Variants in RELN observed in about 807,000 individuals in gnomAD.
RELN encodes reelin.
In RELN, 108 loss-of-function variants were observed where a neutral mutation model predicts 427.6. That is an observed-to-expected ratio of 0.25 (90% CI 0.22 to 0.30). RELN has a LOEUF of 0.30. RELN is among the 10% of genes least tolerant of loss of function. The probability of loss-of-function intolerance (pLI) is 1.00; values close to 1 mark genes in which losing one functional copy is unlikely to be tolerated. For missense variants in RELN, 3,715 were observed against 4,302.8 expected, an observed-to-expected ratio of 0.86 and a Z score of 3.82; for synonymous variants, 1,524 against 1,513.4, an observed-to-expected ratio of 1.01 and a Z score of -0.16.
At chr7:103,591,772 T>C (rs1034359939) in intron 27 of RELN, among the ~76,000 whole-genome samples, 6 of 152,150 alleles carry the variant, frequency 3.9e-5, no homozygotes, top group African/African-American at 1.4e-4. Flanking sequence ...GTTCGTGCTT[T>C]AGAAATCAGA....
At chr7:103,935,769 G>C (rs1795967770) in intron 1 of RELN, among the ~76,000 whole-genome samples, 1 of 152,128 alleles carries the variant, frequency 6.6e-6, no homozygotes, top group Non-Finnish European at 1.5e-5. Context: ...CTGTGTGTCA[G>C]GAACTGTTCT....
rs992426431 is a variant in RELN, at chr7:103,701,088, A to G, written c.806-82T>C. On this transcript the variant is annotated intron_variant, in intron 8 of 64. Coordinates refer to ENST00000428762, the MANE Select transcript of RELN (RefSeq NM_005045.4). ...ATCTTTTCTGATAAATATTTTAGAT[A>G]ATTTTTAAACTATTAGATATTTGTC... 4.7e-6 allele frequency: 4 copies of G among 847,036 alleles called. No homozygotes were observed. In the African/African-American group the frequency reaches 5.1e-5, roughly 11 times the overall value. 52.5% of individuals were successfully genotyped at this position (847,036 alleles called of 1,614,324 possible).
chr7:103,589,328 T>C (rs1029005043), intron 28 of RELN, among the ~76,000 whole-genome samples: 3 of 152,254 alleles, frequency 2.0e-5, no homozygotes, highest in Non-Finnish European at 2.9e-5. Flanking sequence ...TCATAAATGT[T>C]AAGCCATTGC....
chr7:103,737,629 C>A (rs564698591), intron 6 of RELN, among the ~76,000 whole-genome samples: 1 of 152,158 alleles, frequency 6.6e-6, no homozygotes, highest in Non-Finnish European at 1.5e-5. Context: ...TTTGTTCAGA[C>A]AATTATGTTT....
chr7:103,636,508 C>T (rs1463058047), intron 17 of RELN, 40 bp from the exon 18 acceptor site: 1 of 1,348,642 alleles, frequency 7.4e-7, no homozygotes, highest in Non-Finnish European at 1.1e-6. Flanking sequence ...AAACTGTTGG[C>T]TGTTTCGGAG....
intron 48 of RELN, among the ~76,000 whole-genome samples, chr7:103,521,352 G>A (rs1233925827): frequency 1.3e-5 from 2 of 152,148 alleles, no homozygotes; most frequent in East Asian, 1.9e-4. Flanking sequence ...AAACAGAGTC[G>A]CCTTTGGCAG....
intron 2 of RELN, among the ~76,000 whole-genome samples, chr7:103,840,316 G>A (rs1044951847): frequency 2.0e-5 from 3 of 152,170 alleles, no homozygotes; most frequent in African/African-American, 4.8e-5. Context: ...CTGGAACTGG[G>A]TCTTAAAGAA....
intron 24 of RELN, among the ~76,000 whole-genome samples, chr7:103,599,693 G>A (rs362675): frequency 0.029 from 4,488 of 152,230 alleles, 78 homozygotes; most frequent in Middle Eastern, 0.062. Context: ...ACAGGACACC[G>A]AAATTTTATG....
At chr7:103,946,730 T>C (rs750753710) in intron 1 of RELN, among the ~76,000 whole-genome samples, 3 of 152,240 alleles carry the variant, frequency 2.0e-5, no homozygotes, top group Non-Finnish European at 4.4e-5. Flanking sequence ...CAGTGATCTG[T>C]ATGTTGGAGG....
At chr7:103,652,482 C>G in intron 14 of RELN, 69 bp downstream of exon 14, 1 of 1,237,920 alleles carries the variant, frequency 8.1e-7, no homozygotes. Flanking sequence ...TAGAAACTAC[C>G]TCTTATTTAA....
chr7:103,883,881 C>T (rs554116302), intron 2 of RELN, among the ~76,000 whole-genome samples: 1 of 152,288 alleles, frequency 6.6e-6, no homozygotes, highest in South Asian at 2.1e-4. Context: ...AGATGCAACA[C>T]TATTCCTGTC....
At chr7:103,531,882 G>T (rs1408434543) in intron 46 of RELN, among the ~76,000 whole-genome samples, 2 of 152,216 alleles carry the variant, frequency 1.3e-5, no homozygotes, top group Non-Finnish European at 2.9e-5. Flanking sequence ...GTGGAAGACA[G>T]TGTGGCATTT....
intron 6 of RELN, among the ~76,000 whole-genome samples, chr7:103,731,276 T>C (rs1315218898): frequency 1.3e-5 from 2 of 152,054 alleles, no homozygotes; most frequent in African/African-American, 4.8e-5. Context: ...ATAGGGCACA[T>C]ACAATGCAGA....
Position 103,929,038 on chromosome 7 carries a change from C to G in RELN, c.227-11853G>C, listed in dbSNP as rs994429211. On this transcript the variant is annotated intron_variant, in intron 1 of 64. Transcript: ENST00000428762. Reference sequence around the variant, plus strand: ...AAGAGATGAGGTTAAGTCAGCATATCTTGTTGTGGGAAATCCTTGCTGGAT... The same window carrying G: ...AAGAGATGAGGTTAAGTCAGCATATGTTGTTGTGGGAAATCCTTGCTGGAT... 5.3e-5 allele frequency among the ~76,000 whole-genome samples: 8 copies of G among 152,296 alleles called. No individual in the cohort carries two copies. In the East Asian group the frequency reaches 1.5e-3, roughly 29 times the overall value.
intron 2 of RELN, among the ~76,000 whole-genome samples, chr7:103,913,080 G>C (rs1267742881): frequency 6.6e-6 from 1 of 152,056 alleles, no homozygotes; most frequent in Non-Finnish European, 1.5e-5. Context: ...CGTATTTCTG[G>C]CTATTAGGCA....
At chr7:103,498,328 T>C in intron 53 of RELN, 76 bp from the exon 54 acceptor site, 1 of 1,349,790 alleles carries the variant, frequency 7.4e-7, no homozygotes, top group Non-Finnish European at 1.1e-6. Context: ...AAATACAGAG[T>C]GATGTCTTGG....
At chr7:103,911,755 CA>C (rs1475254260) in intron 2 of RELN, among the ~76,000 whole-genome samples, 1 of 130,592 alleles carries the variant, frequency 7.7e-6, no homozygotes, top group African/African-American at 2.9e-5. Flanking sequence ...ATCGCAAGAA[CA>C]AAAAACCAAA....
At chr7:103,813,221 T>C in intron 3 of RELN, among the ~76,000 whole-genome samples, 1 of 152,128 alleles carries the variant, frequency 6.6e-6, no homozygotes, top group South Asian at 2.1e-4. Flanking sequence ...CTAGTCTCTC[T>C]CCCACCTCCA....
chr7:103,942,710 G>A (rs1002213282), intron 1 of RELN, among the ~76,000 whole-genome samples: 1 of 152,054 alleles, frequency 6.6e-6, no homozygotes, highest in Admixed American at 6.6e-5. Flanking sequence ...TCAAGAGGTT[G>A]AGACCATCCT....
Sources: allele counts gnomAD v4.1 joint callset (sites outside exome capture counted in the v4.1 genomes callset), GRCh38; gene constraint gnomAD v4.1.1; transcripts MANE v1.5; gene names NCBI Gene and HGNC (gene_info 2026-07-23, HGNC 2026-07-21).